The following SSBP4 variants were observed in gnomAD, a reference collection of about 807,000 sequenced individuals.
SSBP4 encodes the protein single stranded DNA binding protein 4.
Under a neutral mutation model 64.6 loss-of-function variants are expected in SSBP4, and 33 were observed. The ratio of observed to expected loss-of-function variants is 0.51; its 90% confidence interval spans 0.39 to 0.68. SSBP4 has a LOEUF of 0.68. Among genes scored for constraint, SSBP4 ranks in the 30% least tolerant of loss-of-function variants. The pLI is 0.00. For synonymous variants in SSBP4, 243 were observed against 224.0 expected, an observed-to-expected ratio of 1.08 and a Z score of -0.76; for missense variants, 583 against 566.8, an observed-to-expected ratio of 1.03 and a Z score of -0.29.
rs372871689 is a variant in SSBP4, at chr19:18,433,262, G to A, written c.991+49G>A. On this transcript the variant is annotated intron_variant, in intron 15 of 17. Transcript: ENST00000270061. ...CCCACGTTGCCTTCCGGGCCCGTGCGCTCCCTGGCTGCTTCCCCCTGCCGT... is the reference window on the plus strand; with the variant it reads ...CCCACGTTGCCTTCCGGGCCCGTGCACTCCCTGGCTGCTTCCCCCTGCCGT... 541 of 1,530,358 alleles carry A rather than the reference G, an allele frequency of 3.5e-4. 1 individual carries two copies. The highest frequency in any genetic ancestry group is 3.2e-4 in the Admixed American group (16 of 50,544). The allele number at this position is 1,530,358 out of a possible 1,614,324, so 94.8% of individuals were successfully genotyped here.
At position 18,426,267 on chromosome 19, in the gene SSBP4, G is replaced by C. The variant is rs1972848241; in HGVS notation, c.60-1084G>C. 6.6e-6 allele frequency among the ~76,000 whole-genome samples: 1 copy of C among 152,192 alleles called. No individual in the cohort carries two copies. The highest frequency in any genetic ancestry group is 2.1e-4 in the South Asian group (1 of 4,834). ...AGGATGGGGCCCGCAGCCAGAGAGG[G>C]CGGCGCAGCTGAGCTGGAGGCGGCT... On this transcript the variant is annotated intron_variant, in intron 1 of 17. Transcript: ENST00000270061. This position sits in a 1 kb window ranked among gnomAD's most constrained non-coding sequence, Gnocchi z 4.5.
the SSBP4 span, among the ~76,000 whole-genome samples, chr19:18,411,143 C>T: frequency 6.6e-6 from 1 of 152,020 alleles, no homozygotes; most frequent in African/African-American, 2.4e-5. Flanking sequence ...AACCTCCTGC[C>T]CGCATGGAGC....
At chr19:18,413,460 C>A in the SSBP4 span, among the ~76,000 whole-genome samples, 1 of 152,112 alleles carries the variant, frequency 6.6e-6, no homozygotes, top group South Asian at 2.1e-4. Context: ...GTGATCCACT[C>A]GCCTTGGCCT....
chr19:18,419,198 G>A (rs1294755870), upstream of SSBP4: 16 of 986,452 alleles, frequency 1.6e-5, no homozygotes, highest in Non-Finnish European at 1.9e-5. Context: ...GCGATCAGCT[G>A]TGCGTCCCTG....
In SSBP4 at chr19:18,433,185, G is replaced by A. The variant is rs774337817; in HGVS notation, c.963G>A (p.Met321Ile). ...PEGPMAAMSA[M>I]EPHHVNGSLG... Reference sequence around the variant, plus strand: ...GCCCCATGGCCGCCATGAGCGCGATGGAGCCTCACCACGTGAACGGATCCC... The same window carrying A: ...GCCCCATGGCCGCCATGAGCGCGATAGAGCCTCACCACGTGAACGGATCCC... The change falls in exon 15 of 18, where the codon ATG becomes ATA. Residue 321 changes from methionine to isoleucine, a missense_variant. Coordinates refer to ENST00000270061, the MANE Select transcript of SSBP4 (RefSeq NM_032627.5). 7 of 1,584,792 alleles carry A rather than the reference G, an allele frequency of 4.4e-6. No homozygotes were observed. Among genetic ancestry groups the A allele is most frequent in the Non-Finnish European group, 6.0e-6 (7 of 1,166,234 alleles).
At chr19:18,421,617 A>G (rs754299903) in intron 1 of SSBP4, among the ~76,000 whole-genome samples, 1 of 152,244 alleles carries the variant, frequency 6.6e-6, no homozygotes, top group African/African-American at 2.4e-5. Context: ...AAAGTGGATG[A>G]TAGATAGCGA....
intron 4 of SSBP4, among the ~76,000 whole-genome samples, chr19:18,429,627 G>C (rs563816151): frequency 6.6e-6 from 1 of 151,844 alleles, no homozygotes; most frequent in African/African-American, 2.4e-5. Context: ...CCGCCTGGGA[G>C]GGCAGCTGCT....
intron 16 of SSBP4, 39 bp from the exon 17 acceptor site, chr19:18,433,671 C>T (rs779014536): frequency 1.3e-5 from 9 of 678,648 alleles, no homozygotes; most frequent in Non-Finnish European, 1.7e-5. Context: ...GGGGAGGGGG[C>T]GGGGCGGGGA....
chr19:18,408,527 C>G, the SSBP4 span, among the ~76,000 whole-genome samples: 3 of 151,364 alleles, frequency 2.0e-5, no homozygotes, highest in Non-Finnish European at 4.4e-5. Flanking sequence ...GAGTACCGCT[C>G]TATCTCCCAG....
chr19:18,418,881 G>A, upstream of SSBP4: 1 of 838,826 alleles, frequency 1.2e-6, no homozygotes, highest in Non-Finnish European at 1.4e-6. This position sits in a 1 kb window ranked among gnomAD's most constrained non-coding sequence, Gnocchi z 6.7. Flanking sequence ...CCTGTGTTTA[G>A]TTGTTCCAGG....
chr19:18,429,870 C>T (rs1266718102), intron 4 of SSBP4, among the ~76,000 whole-genome samples: 1 of 152,082 alleles, frequency 6.6e-6, no homozygotes, highest in African/African-American at 2.4e-5. Flanking sequence ...AGAGAAGGGG[C>T]AGGAAGGGGT....
At chr19:18,407,652 C>T in the SSBP4 span, among the ~76,000 whole-genome samples, 4 of 151,310 alleles carry the variant, frequency 2.6e-5, no homozygotes, top group Non-Finnish European at 4.4e-5. Flanking sequence ...AGGATGGTCT[C>T]GATCTCCTGA....
chr19:18,413,079 G>A, the SSBP4 span, among the ~76,000 whole-genome samples: 2 of 151,940 alleles, frequency 1.3e-5, no homozygotes, highest in African/African-American at 4.8e-5. Flanking sequence ...ACAGCTGGGG[G>A]ACAGTGTAGA....
Position 18,432,046 on chromosome 19 carries a change from T to G in SSBP4, c.612T>G (p.Arg204=). The G allele has an allele frequency of 6.3e-7, 1 of 1,586,256 alleles. No individual in the cohort carries two copies. Among genetic ancestry groups the G allele is most frequent in the Non-Finnish European group, 8.6e-7 (1 of 1,162,250 alleles). The change falls in exon 9 of 18, where the codon CGT becomes CGG. Residue 204 remains arginine, a synonymous_variant. Coordinates refer to ENST00000270061, the MANE Select transcript of SSBP4 (RefSeq NM_032627.5). Reference sequence around the variant, plus strand: ...CAATGCAGAGGGTGACGCCTCCTCGTGGCATGGCCAGCGTGGGGCCCCAGG... The same window carrying G: ...CAATGCAGAGGGTGACGCCTCCTCGGGGCATGGCCAGCGTGGGGCCCCAGG... The part of the protein sequence containing the change: ...GGPMQRVTPP[R]GMASVGPQSY...
rs1240259945 is a variant in SSBP4, at chr19:18,434,476, G to C, written c.*230G>C. 1.1e-6 allele frequency: 1 copy of C among 893,782 alleles called. No homozygotes were observed. The highest frequency in any genetic ancestry group is 1.6e-6 in the Non-Finnish European group (1 of 640,882). The allele number at this position is 893,782 out of a possible 1,614,324, so 55.4% of individuals were successfully genotyped here. Reference sequence around the variant, plus strand: ...CCTGCCATTTGTATTTTGTCCCAGAGAGAAAGGCTCTTTGGGGGGCCCCTC... The same window carrying C: ...CCTGCCATTTGTATTTTGTCCCAGACAGAAAGGCTCTTTGGGGGGCCCCTC... On this transcript the variant is annotated 3_prime_UTR_variant, in exon 18 of 18. Coordinates refer to ENST00000270061, the MANE Select transcript of SSBP4 (RefSeq NM_032627.5).
intron 1 of SSBP4, among the ~76,000 whole-genome samples, chr19:18,422,685 CT>C (rs1392234318): frequency 6.6e-6 from 1 of 152,226 alleles, no homozygotes; most frequent in African/African-American, 2.4e-5. Context: ...TTTGCAAGGA[CT>C]GGGTGGGAGC....
At chr19:18,407,144 T>A in the SSBP4 span, among the ~76,000 whole-genome samples, 6 of 152,066 alleles carry the variant, frequency 3.9e-5, no homozygotes, top group Non-Finnish European at 8.8e-5. Context: ...TTCAAGCGAT[T>A]CTCATGACTC....
intron 16 of SSBP4, 48 bp from the exon 17 acceptor site, chr19:18,433,662 G>C: frequency 7.4e-7 from 1 of 1,343,296 alleles, no homozygotes; most frequent in Non-Finnish European, 9.6e-7. Flanking sequence ...GGGGGTGGCG[G>C]GGAGGGGGCG....
chr19:18,412,513 C>T, the SSBP4 span, among the ~76,000 whole-genome samples: 1,022 of 149,160 alleles, frequency 6.9e-3, 10 homozygotes, highest in Non-Finnish European at 0.011. Flanking sequence ...TCTAGACAGA[C>T]GAGGTGAGGA....
Sources: gnomAD v4.1 joint callset for allele counts (sites outside exome capture counted in the v4.1 genomes callset) on GRCh38, gnomAD v4.1.1 for gene constraint, Gnocchi (gnomAD v3.1) non-coding constraint, MANE v1.5 for transcripts, NCBI Gene and HGNC (gene_info 2026-07-23, HGNC 2026-07-21) for gene names.